MXRA7: variants seen among roughly 807,000 people sequenced by gnomAD.
The protein encoded by MXRA7 is matrix remodeling associated 7, also known as matrix-remodeling-associated protein 7.
In MXRA7, 18 loss-of-function variants were observed where a neutral mutation model predicts 17.4. That is an observed-to-expected ratio of 1.03 (90% confidence interval 0.71 to 1.53). The LOEUF (loss-of-function observed/expected upper bound fraction) is 1.53. Ranked by LOEUF, MXRA7 falls within the 40% of genes most tolerant of loss-of-function variation. MXRA7 has a pLI of 0.00. For synonymous variants in MXRA7, 70 were observed against 101.7 expected, an observed-to-expected ratio of 0.69 and a Z score of 1.87; for missense variants, 141 against 209.3, an observed-to-expected ratio of 0.67 and a Z score of 2.01.
intron 1 of MXRA7, among the ~76,000 whole-genome samples, chr17:76,706,155 G>A (rs1459008425): frequency 3.6e-5 from 5 of 138,272 alleles, no homozygotes; most frequent in African/African-American, 8.6e-5. Flanking sequence ...TGCCGTCACA[G>A]AGGCCCACGC....
intron 2 of MXRA7, among the ~76,000 whole-genome samples, 187 bp downstream of exon 2, chr17:76,687,926 A>C (rs1488047278): frequency 6.6e-6 from 1 of 152,022 alleles, no homozygotes; most frequent in African/African-American, 2.4e-5. Flanking sequence ...GGGGTGAGGG[A>C]GGGCTACAGG....
chr17:76,673,237 C>G (rs941256069), exon 4 of MXRA7: 1 of 152,212 alleles, frequency 6.6e-6, no homozygotes, highest in African/African-American at 2.4e-5. Flanking sequence ...CACAACCTCC[C>G]CCTCAAGGCT....
At chr17:76,702,890 T>TATATATATATATATACA (rs1251035840) in intron 1 of MXRA7, among the ~76,000 whole-genome samples, 1 of 149,582 alleles carries the variant, frequency 6.7e-6, no homozygotes, top group East Asian at 2.0e-4. Flanking sequence ...TATATATATA[T>TATATATATATATATACA]CTTGAGGAGG....
intron 1 of MXRA7, among the ~76,000 whole-genome samples, chr17:76,700,106 T>C (rs1361575975): frequency 1.3e-5 from 2 of 152,082 alleles, no homozygotes; most frequent in Non-Finnish European, 2.9e-5. Flanking sequence ...TAGTCCCAAG[T>C]AGGGATTACA....
chr17:76,706,218 A>AGGCCCACTCTGCCATCACAG, intron 1 of MXRA7, among the ~76,000 whole-genome samples: 1 of 35,216 alleles, frequency 2.8e-5, no homozygotes, highest in Non-Finnish European at 6.5e-5. Flanking sequence ...TGCCATCACA[A>AGGCCCACTCTGCCATCACAG]AGGCCCACTC....
chr17:76,701,091 G>C (rs1823285158), intron 1 of MXRA7, among the ~76,000 whole-genome samples: 1 of 152,062 alleles, frequency 6.6e-6, no homozygotes, highest in African/African-American at 2.4e-5. Context: ...GCAGGGGCCG[G>C]GGGGTGTGCT....
chr17:76,696,807 T>C (rs1211238092), intron 1 of MXRA7, among the ~76,000 whole-genome samples: 1 of 152,180 alleles, frequency 6.6e-6, no homozygotes, highest in Non-Finnish European at 1.5e-5. Context: ...CAGGGTCTCA[T>C]GGTCTGAGTC....
At chr17:76,708,638 T>C (rs1042196586) in intron 1 of MXRA7, among the ~76,000 whole-genome samples, 2 of 152,116 alleles carry the variant, frequency 1.3e-5, no homozygotes, top group Non-Finnish European at 2.9e-5. Context: ...ATCAAGACAA[T>C]TTCTAAGCAG....
chr17:76,710,539 G>A (rs924486230), intron 1 of MXRA7, 66 bp downstream of exon 1: 1 of 1,198,112 alleles, frequency 8.3e-7, no homozygotes, highest in Non-Finnish European at 1.0e-6. Flanking sequence ...CTGGCTCGGC[G>A]GGGAACGGCA....
chr17:76,707,291 CTTTTTTTTT>C (rs56067261), intron 1 of MXRA7, among the ~76,000 whole-genome samples: 23 of 96,124 alleles, frequency 2.4e-4, no homozygotes, highest in East Asian at 1.5e-3. Flanking sequence ...AGTCCCTACT[CTTTTTTTTT>C]TTTTTTTTTT....
At chr17:76,698,226 G>A (rs2076553699) in intron 1 of MXRA7, among the ~76,000 whole-genome samples, 1 of 152,222 alleles carries the variant, frequency 6.6e-6, no homozygotes, top group Non-Finnish European at 1.5e-5. Flanking sequence ...ATAACAGGAA[G>A]GCGACAAGGG....
chr17:76,699,287 A>T (rs964961237), intron 1 of MXRA7, among the ~76,000 whole-genome samples: 4 of 152,160 alleles, frequency 2.6e-5, no homozygotes, highest in African/African-American at 9.7e-5. Flanking sequence ...CTGGGATCAC[A>T]GGAGTGTGCC....
rs111262383 is a variant in MXRA7, at chr17:76,679,585, A to C, written c.*1282T>G. 11,930 of 974,486 alleles carry C rather than the reference A, an allele frequency of 0.012. 86 individuals carry two copies. The highest frequency in any genetic ancestry group is 0.014 in the Non-Finnish European group (11,449 of 819,994). 60.4% of individuals were successfully genotyped at this position (974,486 alleles called of 1,614,324 possible). ...ACACAGTAATTGAGATCATCTACTC[A>C]AAGTTTATTGGACTGAACAAAGGCT... On this transcript the variant is annotated 3_prime_UTR_variant, in exon 4 of 4. Coordinates refer to ENST00000449428, the MANE Select transcript of MXRA7 (RefSeq NM_198530.4).
chr17:76,706,450 AG>A (rs2076662847), intron 1 of MXRA7, among the ~76,000 whole-genome samples: 1 of 152,138 alleles, frequency 6.6e-6, no homozygotes, highest in Non-Finnish European at 1.5e-5. Context: ...GCCATCAAAA[AG>A]GACCACACTG....
intron 1 of MXRA7, among the ~76,000 whole-genome samples, chr17:76,701,396 G>A (rs1305709922): frequency 6.6e-6 from 1 of 152,008 alleles, no homozygotes; most frequent in Non-Finnish European, 1.5e-5. Flanking sequence ...AATGCCGGGT[G>A]GAGGGGCAGC....
At chr17:76,688,039 C>T in intron 2 of MXRA7, 74 bp downstream of exon 2, 1 of 1,451,920 alleles carries the variant, frequency 6.9e-7, no homozygotes, top group Non-Finnish European at 9.6e-7. Context: ...ACCCCAGCTC[C>T]TGTGATCCCC....
chr17:76,683,916 G>A (rs1000026299), intron 3 of MXRA7: 11 of 1,613,762 alleles, frequency 6.8e-6, no homozygotes, highest in Admixed American at 1.7e-5. Context: ...GAGGTCAGAG[G>A]TCAGCTCAAT....
intron 1 of MXRA7, among the ~76,000 whole-genome samples, chr17:76,701,123 C>G (rs1030926755): frequency 6.6e-6 from 1 of 151,962 alleles, no homozygotes; most frequent in Non-Finnish European, 1.5e-5. Context: ...GAAGGTCATG[C>G]TGGTTGCTGG....
At chr17:76,684,685 T>TG (rs2076362221) in intron 3 of MXRA7, 1 of 443,046 alleles carries the variant, frequency 2.3e-6, no homozygotes, top group Non-Finnish European at 4.4e-6. Context: ...GAAGGAGAAA[T>TG]GGAGAAATCA....
Sources: gnomAD v4.1 joint callset for allele counts (sites outside exome capture counted in the v4.1 genomes callset) on GRCh38, gnomAD v4.1.1 for gene constraint, MANE v1.5 for transcripts, NCBI Gene and HGNC (gene_info 2026-07-23, HGNC 2026-07-21) for gene names.